The following MDFIC2 variants were observed in gnomAD, a reference collection of about 807,000 sequenced individuals.
The protein encoded by MDFIC2 is myoD family inhibitor domain-containing protein 2.
At chr3:70,258,753 A>T (rs1048009470) in intron 2 of MDFIC2, among the ~76,000 whole-genome samples, 1 of 152,212 alleles carries the variant, frequency 6.6e-6, no homozygotes, top group Non-Finnish European at 1.5e-5. Flanking sequence ...TAAAAATAAC[A>T]AACAATAGGG....
chr3:70,285,193 G>T (rs1435449996), intron 2 of MDFIC2, among the ~76,000 whole-genome samples: 1 of 145,334 alleles, frequency 6.9e-6, no homozygotes, highest in African/African-American at 2.5e-5. Context: ...ACCTCCCAAT[G>T]CTATCCCTCC....
At position 70,290,099 on chromosome 3, in the gene MDFIC2, G is replaced by C. The variant is rs1162930288; in HGVS notation, c.88+21787C>G. Among the ~76,000 whole-genome samples, 10 of 152,226 alleles carry C rather than the reference G, an allele frequency of 6.6e-5. No homozygotes were observed. In the East Asian group the frequency reaches 1.9e-3, roughly 29 times the overall value. On this transcript the variant is annotated intron_variant, in intron 2 of 3. Transcript: ENST00000567252. The stretch of plus-strand genomic sequence containing the variant: ...TCCATCCAGCTTTGTTCCGTTGCTG[G>C]TGAGGAGCTGCGTTCCTTTGTAGGA...
chr3:70,284,916 G>C (rs926370744), intron 2 of MDFIC2, among the ~76,000 whole-genome samples: 1 of 152,070 alleles, frequency 6.6e-6, no homozygotes, highest in Non-Finnish European at 1.5e-5. Flanking sequence ...AAACAAAAAA[G>C]AGTAAATGGC....
At chr3:70,304,933 A>C (rs998797825) in intron 2 of MDFIC2, among the ~76,000 whole-genome samples, 1 of 150,606 alleles carries the variant, frequency 6.6e-6, no homozygotes, top group African/African-American at 2.4e-5. Context: ...CTTCCTTTCT[A>C]TCCAGCTACT....
chr3:70,291,768 C>T (rs1702241845), intron 2 of MDFIC2: 1 of 152,218 alleles, frequency 6.6e-6, no homozygotes, highest in Non-Finnish European at 1.5e-5. Flanking sequence ...CTTTTCCCCT[C>T]ATGTAATAGA....
intron 2 of MDFIC2, among the ~76,000 whole-genome samples, chr3:70,260,302 C>T (rs1339928867): frequency 6.6e-6 from 1 of 152,118 alleles, no homozygotes; most frequent in Admixed American, 6.5e-5. Context: ...GTCTTCCCAT[C>T]GCCACTTCTT....
At chr3:70,294,877 C>CT (rs1559556746) in intron 2 of MDFIC2, among the ~76,000 whole-genome samples, 1 of 152,060 alleles carries the variant, frequency 6.6e-6, no homozygotes, top group Non-Finnish European at 1.5e-5. Context: ...AGGAGACTAT[C>CT]TTTTTTTGTG....
intron 2 of MDFIC2, among the ~76,000 whole-genome samples, chr3:70,225,917 C>G (rs1278540623): frequency 2.0e-5 from 3 of 152,120 alleles, no homozygotes; most frequent in Non-Finnish European, 2.9e-5. Flanking sequence ...AATCTTTGTT[C>G]CCTCGCCATC....
At position 70,197,128 on chromosome 3, in the gene MDFIC2, A is replaced by G. The variant is rs2106716755; in HGVS notation, c.368T>C (p.Leu123Pro). ...CLFCQFWDCL[L>P]MLPGTCETVC... is the part of the protein sequence containing the mutation. ...CGTTTCGCAGGTGCCGGGGAGCATC[A>G]GGAGACAGTCCCAAAACTGGCAAAA... The change falls in exon 4 of 4, where the codon CTG (leucine) becomes CCG (proline). Residue 123 changes from leucine (L) to proline (P), a missense_variant. By Grantham distance (98) the Leu-to-Pro change is moderately conservative. Coordinates refer to ENST00000567252, the MANE Select transcript of MDFIC2 (RefSeq NM_001364677.1). 1 of 398,590 alleles carries G rather than the reference A, an allele frequency of 2.5e-6. No individual in the cohort carries two copies. Among genetic ancestry groups the G allele is most frequent in the East Asian group, 3.6e-5 (1 of 28,062 alleles). The allele number at this position is 398,590 out of a possible 1,614,324, so 24.7% of individuals were successfully genotyped here.
At chr3:70,258,873 A>AT (rs1701841302) in intron 2 of MDFIC2, among the ~76,000 whole-genome samples, 1 of 152,246 alleles carries the variant, frequency 6.6e-6, no homozygotes, top group East Asian at 1.9e-4. Context: ...TTTTTCTTTA[A>AT]TTTTTTAAAT....
intron 2 of MDFIC2, among the ~76,000 whole-genome samples, chr3:70,307,199 G>T (rs1346522572): frequency 6.6e-6 from 1 of 152,082 alleles, no homozygotes; most frequent in Non-Finnish European, 1.5e-5. Flanking sequence ...TGTTGTTTTG[G>T]TGGTGGTGTT....
chr3:70,294,130 G>A (rs1702267036), intron 2 of MDFIC2, among the ~76,000 whole-genome samples: 1 of 152,130 alleles, frequency 6.6e-6, no homozygotes. Context: ...TTTTAGAAAT[G>A]TCAGTTGTTC....
At chr3:70,252,904 A>C (rs796202180) in intron 2 of MDFIC2, among the ~76,000 whole-genome samples, 28 of 151,952 alleles carry the variant, frequency 1.8e-4, no homozygotes, top group African/African-American at 6.5e-4. Context: ...ACATCGTGAA[A>C]CCCCCTCTCT....
chr3:70,247,704 T>A (rs1298471331), intron 2 of MDFIC2, among the ~76,000 whole-genome samples: 3 of 151,934 alleles, frequency 2.0e-5, no homozygotes, highest in Non-Finnish European at 4.4e-5. Context: ...TTCTACTGTA[T>A]ACATGCTATG....
At chr3:70,255,793 T>C (rs1384188764) in intron 2 of MDFIC2, among the ~76,000 whole-genome samples, 1 of 152,188 alleles carries the variant, frequency 6.6e-6, no homozygotes, top group African/African-American at 2.4e-5. Context: ...ATGTGCCCTC[T>C]GAACATTAGG....
intron 3 of MDFIC2, chr3:70,205,936 A>G (rs1701286653): frequency 6.6e-6 from 1 of 152,000 alleles, no homozygotes; most frequent in Admixed American, 6.6e-5. Context: ...TGTGGAGTCC[A>G]TAATTTTGAA....
At chr3:70,267,702 C>T (rs994118636) in intron 2 of MDFIC2, among the ~76,000 whole-genome samples, 1 of 151,678 alleles carries the variant, frequency 6.6e-6, no homozygotes, top group Non-Finnish European at 1.5e-5. Flanking sequence ...AGGCGAGAGC[C>T]ACCCCGCCCA....
chr3:70,310,176 A>T (rs1702441872), intron 2 of MDFIC2, among the ~76,000 whole-genome samples: 2 of 152,112 alleles, frequency 1.3e-5, no homozygotes, highest in Admixed American at 1.3e-4. Context: ...AAAAGAAGTT[A>T]GAGAATTTTC....
Position 70,274,090 on chromosome 3 carries a change from TGCGCGC to T in MDFIC2, c.88+37790_88+37795del, listed in dbSNP as rs1187285721. ...GTGTGTGTGTGTGTGTGTGTGTGTG[TGCGCGC>T]GCGCATGTGTGTGTGTGAGACTGGG... On this transcript the variant is annotated intron_variant, in intron 2 of 3. Coordinates refer to ENST00000567252, the MANE Select transcript of MDFIC2 (RefSeq NM_001364677.1). Among the ~76,000 whole-genome samples, 14 of 145,062 alleles carry T rather than the reference TGCGCGC, an allele frequency of 9.7e-5. No homozygotes were observed. In the South Asian group the frequency reaches 2.2e-3, roughly 23 times the overall value.
Sources: gnomAD v4.1 joint callset for allele counts (sites outside exome capture counted in the v4.1 genomes callset) on GRCh38, gnomAD v4.1.1 for gene constraint, MANE v1.5 for transcripts, NCBI Gene and HGNC (gene_info 2026-07-23, HGNC 2026-07-21) for gene names.